Variants in NUP210 observed in about 807,000 individuals in gnomAD.
NUP210 encodes the protein nuclear pore membrane glycoprotein 210.
A neutral mutation model predicts 196.0 loss-of-function variants in NUP210; 151 were observed. That is an observed-to-expected ratio of 0.77 (90% CI 0.67 to 0.88). The LOEUF (loss-of-function observed/expected upper bound fraction) is 0.88, where lower values mean the gene tolerates loss of function less well. NUP210 is among the 40% of genes least tolerant of loss of function. The pLI, the probability that NUP210 is intolerant of heterozygous loss-of-function variation, is 0.00. For missense variants in NUP210, 2,314 were observed against 2,493.7 expected (o/e 0.93, Z 1.53); for synonymous variants, 1,070 against 1,052.7 (o/e 1.02, Z -0.32).
rs747444439 is a variant in NUP210 at position 13,391,306 on chromosome 3, C to T, written c.438G>A (p.Gly146=). The T allele has an allele frequency of 1.2e-6, 2 of 1,604,414 alleles. No homozygotes were observed. Among genetic ancestry groups the T allele is most frequent in the East Asian group, 2.3e-5 (1 of 44,432 alleles). The change falls in exon 4 of 40, where the codon GGG becomes GGA. Residue 146 remains glycine, a splice_region_variant and synonymous_variant. Transcript: ENST00000254508. ...GTCCAGCCAGAGTGCTGAAGGTGTT[C>T]CCTATAAGAGCAGATGGGAGAGGCA... ...ELKIQALDSE[G]NTFSTLAGLV...
At chr3:13,331,651 C>T (rs1291749731) in intron 29 of NUP210, among the ~76,000 whole-genome samples, 1 of 152,216 alleles carries the variant, frequency 6.6e-6, no homozygotes, top group East Asian at 1.9e-4. Context: ...CAGCATGGAG[C>T]CTGGCACTTT....
At chr3:13,377,964 A>C (rs1365012526) in intron 8 of NUP210, among the ~76,000 whole-genome samples, 1 of 151,434 alleles carries the variant, frequency 6.6e-6, no homozygotes, top group African/African-American at 2.4e-5. Flanking sequence ...AGGCCCCACA[A>C]CTATGGCCCT....
intron 20 of NUP210, among the ~76,000 whole-genome samples, chr3:13,349,495 C>T (rs1332807800): frequency 6.6e-6 from 1 of 152,184 alleles, no homozygotes; most frequent in Non-Finnish European, 1.5e-5. Flanking sequence ...CCTTCCCTGG[C>T]TCATGGGGTG....
chr3:13,396,545 C>G (rs1699660178), intron 3 of NUP210, among the ~76,000 whole-genome samples: 1 of 147,548 alleles, frequency 6.8e-6, no homozygotes, highest in Non-Finnish European at 1.5e-5. Flanking sequence ...GTCAGGAGTC[C>G]AAGACCAGCC....
chr3:13,375,365 C>G (rs766795829), intron 11 of NUP210, 139 bp downstream of exon 11: 49 of 803,770 alleles, frequency 6.1e-5, no homozygotes, highest in Non-Finnish European at 8.6e-5. Context: ...TGATGGAAAC[C>G]TCAGGAAACA....
chr3:13,380,465 G>A (rs547975376), intron 6 of NUP210, among the ~76,000 whole-genome samples: 1 of 152,184 alleles, frequency 6.6e-6, no homozygotes, highest in Admixed American at 6.5e-5. Context: ...ACATTTTGGG[G>A]ATAGGGGACT....
chr3:13,364,072 C>T (rs978156620), intron 14 of NUP210, among the ~76,000 whole-genome samples: 2 of 152,164 alleles, frequency 1.3e-5, no homozygotes, highest in African/African-American at 4.8e-5. Context: ...GATGTGGGGG[C>T]AGGTCTTGAT....
At chr3:13,321,987 C>A in intron 35 of NUP210, 152 bp from the exon 36 acceptor site, 1 of 1,248,768 alleles carries the variant, frequency 8.0e-7, no homozygotes, top group South Asian at 1.4e-5. Flanking sequence ...TGGGAATCCC[C>A]TATAAAGGCC....
chr3:13,357,856 T>C (rs994605118), intron 16 of NUP210, among the ~76,000 whole-genome samples: 1 of 152,180 alleles, frequency 6.6e-6, no homozygotes, highest in Non-Finnish European at 1.5e-5. Context: ...TGACCCTACA[T>C]ACCCTGTCCA....
At chr3:13,419,713 C>CT (rs1255510209) in intron 1 of NUP210, among the ~76,000 whole-genome samples, 4 of 152,184 alleles carry the variant, frequency 2.6e-5, no homozygotes, top group Non-Finnish European at 5.9e-5. Context: ...CCGGCGCCCC[C>CT]TCCCGGGTCA....
chr3:13,391,201 C>T lies in NUP210; in HGVS notation c.533+10G>A, dbSNP rs756334093. The T allele has an allele frequency of 2.6e-5, 41 of 1,602,868 alleles. No homozygotes were observed. The highest frequency in any genetic ancestry group is 3.3e-5 in the Non-Finnish European group (39 of 1,171,806). On this transcript the variant is annotated intron_variant, in intron 4 of 39. Coordinates refer to ENST00000254508, the MANE Select transcript of NUP210 (RefSeq NM_024923.4). The stretch of plus-strand genomic sequence containing the variant: ...TCAAAGGGGCCAGGCCTAGCAGAGG[C>T]ACCCCTTACCGCAGCGCATTGTGGG...
chr3:13,403,623 A>T (rs892415972), intron 1 of NUP210, among the ~76,000 whole-genome samples: 9 of 152,106 alleles, frequency 5.9e-5, no homozygotes, highest in Non-Finnish European at 1.3e-4. Flanking sequence ...GTGCAGGCGC[A>T]GGGCTCTCAT....
chr3:13,419,484 C>T (rs879942249), intron 1 of NUP210, among the ~76,000 whole-genome samples: 7 of 152,194 alleles, frequency 4.6e-5, no homozygotes, highest in African/African-American at 9.6e-5. Flanking sequence ...GCCGAGGCAG[C>T]CTGAGGGGAA....
At chr3:13,357,707 C>T (rs1698228743) in intron 16 of NUP210, among the ~76,000 whole-genome samples, 1 of 152,178 alleles carries the variant, frequency 6.6e-6, no homozygotes, top group Admixed American at 6.5e-5. Flanking sequence ...GCTTCCCCTA[C>T]CATCCCTGCT....
intron 20 of NUP210, chr3:13,346,948 A>C (rs1433986930): frequency 1.1e-6 from 1 of 924,312 alleles, no homozygotes; most frequent in South Asian, 5.0e-5. Flanking sequence ...GGACCCGGCC[A>C]GCCCTGTGAC....
At chr3:13,361,602 G>C (rs1159839562) in intron 14 of NUP210, among the ~76,000 whole-genome samples, 1 of 152,052 alleles carries the variant, frequency 6.6e-6, no homozygotes, top group Non-Finnish European at 1.5e-5. Context: ...GCCCAGCTGG[G>C]CTAACCTCCC....
chr3:13,364,163 T>C (rs967150776), intron 14 of NUP210, among the ~76,000 whole-genome samples: 2 of 152,188 alleles, frequency 1.3e-5, no homozygotes, highest in Admixed American at 6.5e-5. Flanking sequence ...ATACATTCTT[T>C]GCTTTGTTTA....
intron 1 of NUP210, 115 bp downstream of exon 1, chr3:13,419,945 C>G (rs1247658047): frequency 1.7e-5 from 10 of 600,348 alleles, no homozygotes; most frequent in African/African-American, 2.0e-5. Context: ...TAGCGCCCAG[C>G]GAGAGCGCGC....
Position 13,340,522 on chromosome 3 carries a change from A to C in NUP210, c.3229-224T>G, listed in dbSNP as rs961973679. Among the ~76,000 whole-genome samples, 1 of 151,948 alleles carries C rather than the reference A, an allele frequency of 6.6e-6. No individual in the cohort carries two copies. Among genetic ancestry groups the C allele is most frequent in the African/African-American group, 2.4e-5 (1 of 41,348 alleles). On this transcript the variant is annotated intron_variant, in intron 23 of 39. Coordinates refer to ENST00000254508, the MANE Select transcript of NUP210 (RefSeq NM_024923.4). This position sits in a 1 kb window ranked among gnomAD's most constrained non-coding sequence, Gnocchi z 4.0. ...TCTGGGGTGTGTTCTTCTGTTTGTG[A>C]CTGTGTTTCACTTTCCCTAGATGTT...
Sources: allele counts gnomAD v4.1 joint callset (sites outside exome capture counted in the v4.1 genomes callset), GRCh38; gene constraint gnomAD v4.1.1; non-coding constraint Gnocchi (gnomAD v3.1); transcripts MANE v1.5; gene names NCBI Gene and HGNC (gene_info 2026-07-23, HGNC 2026-07-21).